Variants in THSD4 observed in about 807,000 individuals in gnomAD.
THSD4 encodes the protein thrombospondin type-1 domain-containing protein 4.
In THSD4, 69 loss-of-function variants were observed where a neutral mutation model predicts 119.0. The ratio of observed to expected loss-of-function variants is 0.58; its 90% CI spans 0.48 to 0.71. The LOEUF is 0.71. THSD4 is among the 30% of genes least tolerant of loss of function. The pLI is 0.00. For synonymous variants in THSD4, 524 were observed against 540.4 expected (o/e 0.97, Z 0.42); for missense variants, 1,393 against 1,391.1 (o/e 1.00, Z -0.02).
rs537026996 is a variant in THSD4 at position 71,455,900 on chromosome 15, C to T, written c.1152+44077C>T. 7.9e-5 allele frequency among the ~76,000 whole-genome samples: 12 copies of T among 152,252 alleles called. 1 individual carries two copies. Among genetic ancestry groups the T allele is most frequent in the African/African-American group, 2.6e-4 (11 of 41,534 alleles). On this transcript the variant is annotated intron_variant, in intron 7 of 17. Transcript: ENST00000261862. ...GATAGGTCCTTTTGTTTCCCTTGAG[C>T]AACAGAGGCCATTGATCCTGCCCCG...
intron 1 of THSD4, among the ~76,000 whole-genome samples, chr15:71,127,074 CCT>C (rs1435721364): frequency 1.3e-5 from 2 of 152,210 alleles, no homozygotes; most frequent in African/African-American, 4.8e-5. Flanking sequence ...TTAACCATAA[CCT>C]CACCATTGCC....
At chr15:71,687,355 C>G (rs1014174162) in intron 8 of THSD4, among the ~76,000 whole-genome samples, 17 of 152,056 alleles carry the variant, frequency 1.1e-4, no homozygotes, top group Non-Finnish European at 2.4e-4. Flanking sequence ...GAAGCTATAA[C>G]CAGAGCATTA....
At chr15:71,323,682 G>A (rs1415476850) in intron 6 of THSD4, among the ~76,000 whole-genome samples, 2 of 152,122 alleles carry the variant, frequency 1.3e-5, no homozygotes. Flanking sequence ...CAAAAATCAA[G>A]GGCTGCCTAT....
At chr15:71,375,370 C>T (rs886095427) in intron 6 of THSD4, among the ~76,000 whole-genome samples, 1 of 152,176 alleles carries the variant, frequency 6.6e-6, no homozygotes, top group African/African-American at 2.4e-5. Flanking sequence ...CCTTTTCTGA[C>T]CTTCCAAGAC....
chr15:71,629,203 C>G (rs2050568019), intron 7 of THSD4, among the ~76,000 whole-genome samples: 1 of 152,184 alleles, frequency 6.6e-6, no homozygotes, highest in Admixed American at 6.5e-5. Flanking sequence ...GCATGAACAG[C>G]AGCATACTGA....
At chr15:71,593,915 C>CA (rs1459187120) in intron 7 of THSD4, among the ~76,000 whole-genome samples, 6 of 150,308 alleles carry the variant, frequency 4.0e-5, no homozygotes, top group Admixed American at 2.0e-4. Flanking sequence ...CCTTCCCACC[C>CA]CCCCGGCAAA....
intron 14 of THSD4, among the ~76,000 whole-genome samples, chr15:71,755,706 C>CAAAAAAAAAAAAAAAA: frequency 2.0e-5 from 1 of 50,280 alleles, no homozygotes; most frequent in Non-Finnish European, 3.9e-5. Context: ...TCAGCAAAGA[C>CAAAAAAAAAAAAAAAA]AAAAAAAAAA....
chr15:71,333,209 C>T lies in THSD4; in HGVS notation c.1015+76494C>T, dbSNP rs374001998. ...TGCATTGCAGGCATTAGCAGCTCAG[C>T]CCAAGAGTGTGAGCTTCCTTTCTCT... On this transcript the variant is annotated intron_variant, in intron 6 of 17. Transcript: ENST00000261862. Among the ~76,000 whole-genome samples the T allele has an allele frequency of 1.4e-4, 22 of 152,174 alleles. No homozygotes were observed. The East Asian group carries it at 4.1e-3, about 28-fold the overall frequency.
At chr15:71,296,556 G>A (rs562240866) in intron 6 of THSD4, among the ~76,000 whole-genome samples, 66 of 152,282 alleles carry the variant, frequency 4.3e-4, no homozygotes, top group African/African-American at 1.5e-3. Context: ...GAATCAGTAC[G>A]CAGAGCAGGG....
intron 6 of THSD4, among the ~76,000 whole-genome samples, chr15:71,368,057 T>A (rs981331395): frequency 3.3e-5 from 5 of 152,196 alleles, no homozygotes; most frequent in African/African-American, 4.8e-5. Flanking sequence ...TTTTTTCATG[T>A]GTCTTTTGGC....
At chr15:71,525,355 A>G (rs1375283497) in intron 7 of THSD4, among the ~76,000 whole-genome samples, 3 of 152,176 alleles carry the variant, frequency 2.0e-5, no homozygotes, top group Non-Finnish European at 2.9e-5. Flanking sequence ...GACACTCATA[A>G]CCACTGAACT....
chr15:71,726,925 G>T (rs1479525047), intron 8 of THSD4, among the ~76,000 whole-genome samples: 1 of 148,580 alleles, frequency 6.7e-6, no homozygotes, highest in South Asian at 2.1e-4. Context: ...CAACAAGAAC[G>T]AAACGCCATC....
intron 7 of THSD4, among the ~76,000 whole-genome samples, chr15:71,422,370 T>C (rs548723511): frequency 1.3e-5 from 2 of 152,310 alleles, no homozygotes; most frequent in African/African-American, 2.4e-5. Flanking sequence ...ATCTAAGTCT[T>C]TGGTCACTGC....
At chr15:71,747,113 C>G in intron 13 of THSD4, 71 bp downstream of exon 13, 2 of 1,503,686 alleles carry the variant, frequency 1.3e-6, no homozygotes, top group South Asian at 1.2e-5. Flanking sequence ...CCTCCCCCAC[C>G]AAGACCTGAG....
At chr15:71,334,913 C>G (rs1285229388) in intron 6 of THSD4, among the ~76,000 whole-genome samples, 2 of 152,206 alleles carry the variant, frequency 1.3e-5, no homozygotes, top group South Asian at 2.1e-4. Flanking sequence ...CTTTTTGAAG[C>G]TGCACATTCA....
In THSD4 at chr15:71,745,229, C is replaced by T. The variant is rs1386640912; in HGVS notation, c.2030C>T (p.Pro677Leu). Residue 677 changes from proline (P) to leucine (L), a missense_variant, in exon 12 of 18, where the codon CCA (proline) becomes CTA (leucine). Coordinates refer to ENST00000261862, the MANE Select transcript of THSD4 (RefSeq NM_024817.3). ...EEEPCNIFPC[P>L]AFWDIGEWSE... is the part of the protein sequence containing the mutation. ...GAGCCCTGCAACATCTTCCCTTGCC[C>T]AGCCTTGTAAGAAGGCCCCTCCATT... is the stretch of plus-strand genomic sequence containing the variant. The T allele has an allele frequency of 6.2e-7, 1 of 1,613,928 alleles. No individual in the cohort carries two copies. The highest frequency in any genetic ancestry group is 8.5e-7 in the Non-Finnish European group (1 of 1,179,940).
chr15:71,688,418 T>C (rs896230537), intron 8 of THSD4, among the ~76,000 whole-genome samples: 1 of 152,244 alleles, frequency 6.6e-6, no homozygotes, highest in African/African-American at 2.4e-5. Context: ...TGTGTCCTAA[T>C]TTTTTAAGAG....
At position 71,629,975 on chromosome 15, in the gene THSD4, G is replaced by A. The variant is rs575562851; in HGVS notation, c.1153-30555G>A. Among the ~76,000 whole-genome samples the A allele has an allele frequency of 3.3e-5, 5 of 152,246 alleles. No homozygotes were observed. In the South Asian group the frequency reaches 6.2e-4, roughly 19 times the overall value. ...CAGGCCCTTGTGTGCTCAGAGAGGG[G>A]CCTCTGTCTCTCTTGGCCGGCTTTG... On this transcript the variant is annotated intron_variant, in intron 7 of 17. Transcript: ENST00000261862.
intron 16 of THSD4, chr15:71,766,681 T>C (rs2053721450): frequency 6.6e-6 from 1 of 152,136 alleles, no homozygotes; most frequent in African/African-American, 2.4e-5. Context: ...CAGTTTTCTT[T>C]TGTCATCTGA....
Sources: gnomAD v4.1 joint callset for allele counts (sites outside exome capture counted in the v4.1 genomes callset) on GRCh38, gnomAD v4.1.1 for gene constraint, MANE v1.5 for transcripts, NCBI Gene and HGNC (gene_info 2026-07-23, HGNC 2026-07-21) for gene names.